TMX3: variants seen among roughly 807,000 people sequenced by gnomAD.
TMX3 encodes thioredoxin related transmembrane protein 3, also known as protein disulfide-isomerase TMX3.
TMX3 carries 40 observed loss-of-function variants against 64.4 expected under a neutral mutation model. The observed-to-expected ratio is 0.62, with a 90% confidence interval of 0.48 to 0.81. TMX3 has a LOEUF of 0.81. Ranked by LOEUF, TMX3 falls within the 30% of genes least tolerant of loss-of-function variation. TMX3 has a pLI of 0.00. For missense variants in TMX3, 497 were observed against 534.5 expected, an observed-to-expected ratio of 0.93 and a Z score of 0.69; for synonymous variants, 189 against 175.7, an observed-to-expected ratio of 1.08 and a Z score of -0.60.
chr18:68,708,911 G>A (rs1185998577), intron 4 of TMX3, among the ~76,000 whole-genome samples: 4 of 152,082 alleles, frequency 2.6e-5, no homozygotes, highest in Admixed American at 2.0e-4. Flanking sequence ...AATTAAGAGA[G>A]GTTAAGTGCT....
chr18:68,681,298 T>A (rs1377268553), intron 13 of TMX3, 188 bp from the exon 14 acceptor site: 3 of 586,888 alleles, frequency 5.1e-6, no homozygotes, highest in Non-Finnish European at 2.4e-6. Context: ...CATACCTTTT[T>A]AATTTGTTTG....
Position 68,684,411 on chromosome 18 carries a change from A to C in TMX3, c.794+17T>G. On this transcript the variant is annotated intron_variant, in intron 11 of 15. Coordinates refer to ENST00000299608, the MANE Select transcript of TMX3 (RefSeq NM_019022.5). ...AAATGAACATTTGAAGCTTAAAACT[A>C]TATCAAGGCATTATACCTGGTATGT... is the stretch of plus-strand genomic sequence containing the variant. 6.2e-7 allele frequency: 1 copy of C among 1,608,220 alleles called. No homozygotes were observed. The highest frequency in any genetic ancestry group is 1.7e-5 in the Admixed American group (1 of 59,914).
In TMX3 at chr18:68,687,762, T is replaced by C. The variant is rs1253752338; in HGVS notation, c.641A>G (p.Tyr214Cys). 3.7e-6 allele frequency: 6 copies of C among 1,608,470 alleles called. No homozygotes were observed. Among genetic ancestry groups the C allele is most frequent in the Admixed American group, 3.4e-5 (2 of 58,532 alleles). ...CCATGATGACAGATCACCATCTTCA[T>C]ACTCTTAAAACCAAGACAAAGTTGA... ...KDETYFVYDE[Y>C]EDGDLSSWIN... The change falls in exon 10 of 16, where the codon TAT (tyrosine) becomes TGT (cysteine). Residue 214 changes from tyrosine to cysteine, a missense_variant. By Grantham distance (194) the Tyr-to-Cys change is radical (BLOSUM62 -2). Around this residue, in one of 3 missense-constraint regions of TMX3, gnomAD observed 360 missense variants for 383.5 expected, o/e 0.94. Transcript: ENST00000299608.
intron 4 of TMX3, 152 bp from the exon 5 acceptor site, chr18:68,701,942 GAAA>G (rs1417557245): frequency 7.1e-6 from 4 of 564,932 alleles, no homozygotes; most frequent in Non-Finnish European, 1.2e-5. Context: ...TCACACAAAA[GAAA>G]AAAACATGAC....
Position 68,697,300 on chromosome 18 carries a change from T to C in TMX3, c.496A>G (p.Lys166Glu). ...YVGGESPLKE[K>E]YIDAASELIV... Reference sequence around the variant, plus strand: ...AATTCTGAAGCAGCATCTATGTATTTCTCCTATGAAGATACAAACAGAAAA... The same window carrying C: ...AATTCTGAAGCAGCATCTATGTATTCCTCCTATGAAGATACAAACAGAAAA... The change falls in exon 8 of 16, where the codon AAA becomes GAA. Residue 166 changes from lysine (K) to glutamate (E), a missense_variant. Physicochemically the swap from Lys to Glu is moderately conservative, Grantham distance 56 (BLOSUM62 1). Around this residue, in one of 3 missense-constraint regions of TMX3, gnomAD observed 360 missense variants for 383.5 expected, o/e 0.94. Transcript: ENST00000299608. 6.5e-7 allele frequency: 1 copy of C among 1,548,152 alleles called. No individual in the cohort carries two copies. The highest frequency in any genetic ancestry group is 8.7e-7 in the Non-Finnish European group (1 of 1,142,928).
Position 68,684,216 on chromosome 18 carries a change from TG to T in TMX3, c.821del (p.Ala274GlufsTer23). ...TATGGAAGAGGTCTCTGTAATCTCT[TG>T]CAACTTCCTGAATAATTGACTTCAA... Reference protein sequence around the residue: ...TRLKSIIQEVARDYRDLFHRD... With the variant: ...TRLKSIIQEVXRDYRDLFHRD... On this transcript the variant is annotated frameshift_variant, in exon 12 of 16. Transcript: ENST00000299608. LOFTEE classifies it high-confidence loss of function. The T allele has an allele frequency of 6.2e-7, 1 of 1,612,106 alleles. No homozygotes were observed. The highest frequency in any genetic ancestry group is 8.5e-7 in the Non-Finnish European group (1 of 1,178,658).
Position 68,684,493 on chromosome 18 carries a change from AAAG to A in TMX3, c.737-11_737-9del. ...CAAGAGCCACAAGCTTTCCTGAAAT[AAAG>A]AATGACACATCTGAATTCAATCACC... On this transcript the variant is annotated splice_polypyrimidine_tract_variant and intron_variant, in intron 10 of 15. Transcript: ENST00000299608. The A allele has an allele frequency of 6.2e-7, 1 of 1,611,524 alleles. No individual in the cohort carries two copies. Among genetic ancestry groups the A allele is most frequent in the East Asian group, 2.2e-5 (1 of 44,768 alleles).
Position 68,681,626 on chromosome 18 carries a change from A to T in TMX3, c.906-516T>A, listed in dbSNP as rs189749135. On this transcript the variant is annotated intron_variant, in intron 13 of 15. Coordinates refer to ENST00000299608, the MANE Select transcript of TMX3 (RefSeq NM_019022.5). ...CTGAAGATGATGAATGTTACTTCAG[A>T]TTTGTTAAGTTCACTCCCTTCCTCG... The T allele has an allele frequency of 6.0e-5, 59 of 985,418 alleles. No homozygotes were observed. In the African/African-American group the frequency reaches 9.1e-4, roughly 15 times the overall value. The allele number at this position is 985,418 out of a possible 1,614,324, so 61.0% of individuals were successfully genotyped here.
At chr18:68,687,513 C>T in intron 10 of TMX3, 154 bp downstream of exon 10, 1 of 985,134 alleles carries the variant, frequency 1.0e-6, no homozygotes, top group East Asian at 1.1e-4. Flanking sequence ...CTGGTAATAT[C>T]AGTTTACATT....
At chr18:68,692,031 A>C (rs1297908183) in intron 8 of TMX3, among the ~76,000 whole-genome samples, 1 of 152,232 alleles carries the variant, frequency 6.6e-6, no homozygotes, top group Non-Finnish European at 1.5e-5. Flanking sequence ...AATAACAATA[A>C]AATAAAGACA....
chr18:68,698,310 T>A lies in TMX3; in HGVS notation c.393-279A>T, dbSNP rs193286923. The stretch of plus-strand genomic sequence containing the variant: ...CAGAGAGTACCATCATTACTAGTAT[T>A]TTGATGGGCAAAAAGAGAAGTATTG... On this transcript the variant is annotated intron_variant, in intron 6 of 15. Transcript: ENST00000299608. 1.6e-4 allele frequency among the ~76,000 whole-genome samples: 25 copies of A among 152,298 alleles called. No homozygotes were observed. In the East Asian group the frequency reaches 4.6e-3, roughly 28 times the overall value.
At chr18:68,700,894 C>T in intron 5 of TMX3, 1 of 984,294 alleles carries the variant, frequency 1.0e-6, no homozygotes. Context: ...AGCAATACAA[C>T]ATGACAGTTA....
chr18:68,707,897 C>T (rs1376056671), intron 4 of TMX3, among the ~76,000 whole-genome samples: 1 of 151,822 alleles, frequency 6.6e-6, no homozygotes, highest in Non-Finnish European at 1.5e-5. Flanking sequence ...TGTGTATGCA[C>T]ATCTAATCAA....
chr18:68,685,091 G>A (rs1913814240), intron 10 of TMX3, among the ~76,000 whole-genome samples: 2 of 152,096 alleles, frequency 1.3e-5, no homozygotes, highest in Non-Finnish European at 2.9e-5. Context: ...CCAGAAGAGT[G>A]GTGTTAGAAT....
At chr18:68,706,518 G>C (rs1285193743) in intron 4 of TMX3, 1 of 152,174 alleles carries the variant, frequency 6.6e-6, no homozygotes, top group African/African-American at 2.4e-5. Context: ...TTCACCAGTA[G>C]GACTGGTGTG....
rs571315256 is a variant in TMX3 at position 68,700,308 on chromosome 18, A to G, written c.392+97T>C. 49 of 787,976 alleles carry G rather than the reference A, an allele frequency of 6.2e-5. No homozygotes were observed. In the African/African-American group the frequency reaches 8.9e-4, roughly 14 times the overall value. 48.8% of individuals were successfully genotyped at this position (787,976 alleles called of 1,614,324 possible). ...ATAATCAAATAAATTTTACCTAGGT[A>G]TGTCCTTAAAATATGTTTGTTCAAT... On this transcript the variant is annotated intron_variant, in intron 6 of 15. Transcript: ENST00000299608.
intron 2 of TMX3, among the ~76,000 whole-genome samples, 174 bp from the exon 3 acceptor site, chr18:68,711,577 A>C (rs2031281169): frequency 6.6e-6 from 1 of 152,190 alleles, no homozygotes; most frequent in African/African-American, 2.4e-5. Context: ...TCAAAGATAA[A>C]AGCAGAGGAC....
chr18:68,701,352 A>C (rs1198800712), intron 5 of TMX3, among the ~76,000 whole-genome samples: 1 of 152,152 alleles, frequency 6.6e-6, no homozygotes, highest in Non-Finnish European at 1.5e-5. Flanking sequence ...TAGAATTATC[A>C]CATTTCTTTC....
At chr18:68,712,767 C>T (rs2031418035) in intron 2 of TMX3, among the ~76,000 whole-genome samples, 1 of 152,072 alleles carries the variant, frequency 6.6e-6, no homozygotes, top group Non-Finnish European at 1.5e-5. Flanking sequence ...GAATCAAAAA[C>T]TTCCTGTAAA....
Sources: allele counts gnomAD v4.1 joint callset (sites outside exome capture counted in the v4.1 genomes callset), GRCh38; gene constraint gnomAD v4.1.1; regional missense constraint gnomAD v4.1.1; transcripts MANE v1.5; gene names NCBI Gene and HGNC (gene_info 2026-07-23, HGNC 2026-07-21).